SPRED1: variants seen among roughly 807,000 people sequenced by gnomAD.
SPRED1 encodes sprouty-related, EVH1 domain-containing protein 1.
In SPRED1, 18 loss-of-function variants were observed where a neutral mutation model predicts 52.3. The observed-to-expected ratio is 0.34, with a 90% CI of 0.24 to 0.51. SPRED1 has a LOEUF of 0.51. Ranked by LOEUF, SPRED1 falls within the 20% of genes least tolerant of loss-of-function variation. SPRED1 has a pLI of 0.97. For missense variants in SPRED1, 485 were observed against 551.0 expected (o/e 0.88, Z 1.20); for synonymous variants, 155 against 179.7 (o/e 0.86, Z 1.10).
At position 38,352,365 on chromosome 15, in the gene SPRED1, C is replaced by A. The variant is rs917195044; in HGVS notation, c.*701C>A. On this transcript the variant is annotated 3_prime_UTR_variant, in exon 7 of 7. Coordinates refer to ENST00000299084, the MANE Select transcript of SPRED1 (RefSeq NM_152594.3). Reference sequence around the variant, plus strand: ...TTTCATCCTTATTTCTCTTTGGCTACAATTTATATTGAGTTATATCTGTAC... The same window carrying A: ...TTTCATCCTTATTTCTCTTTGGCTAAAATTTATATTGAGTTATATCTGTAC... 6.6e-5 allele frequency: 10 copies of A among 152,160 alleles called. No individual in the cohort carries two copies. Among genetic ancestry groups the A allele is most frequent in the African/African-American group, 2.4e-4 (10 of 41,286 alleles). The allele number at this position is 152,160 out of a possible 1,614,324, so 9.4% of individuals were successfully genotyped here.
At chr15:38,327,810 T>C (rs1895734095) in intron 4 of SPRED1, among the ~76,000 whole-genome samples, 1 of 152,206 alleles carries the variant, frequency 6.6e-6, no homozygotes, top group Non-Finnish European at 1.5e-5. Flanking sequence ...TGTTTGAAGC[T>C]GCTAAGTTTT....
chr15:38,255,064 AT>A (rs1483530631), intron 1 of SPRED1, among the ~76,000 whole-genome samples: 2 of 152,242 alleles, frequency 1.3e-5, no homozygotes. Context: ...AGATGATGGA[AT>A]GTGAATTAAC....
intron 4 of SPRED1, among the ~76,000 whole-genome samples, chr15:38,333,742 A>G (rs1245317805): frequency 6.6e-6 from 1 of 152,126 alleles, no homozygotes; most frequent in Non-Finnish European, 1.5e-5. Context: ...CAGTATTTCT[A>G]TTCTTTGTCT....
rs1420923782 is a variant in SPRED1 at position 38,339,475 on chromosome 15, G to T, written c.424-262G>T. On this transcript the variant is annotated intron_variant, in intron 4 of 6. Coordinates refer to ENST00000299084, the MANE Select transcript of SPRED1 (RefSeq NM_152594.3). ...TATAATTAGCTCTTCTACATGACATGGTTAGCCTTTTAGTTCTTCATGTTA... is the reference window on the plus strand; with the variant it reads ...TATAATTAGCTCTTCTACATGACATTGTTAGCCTTTTAGTTCTTCATGTTA... Among the ~76,000 whole-genome samples the T allele has an allele frequency of 6.6e-6, 1 of 151,972 alleles. No individual in the cohort carries two copies. The highest frequency in any genetic ancestry group is 1.5e-5 in the Non-Finnish European group (1 of 67,980).
chr15:38,325,879 G>C (rs1033854565), intron 4 of SPRED1: 4 of 152,074 alleles, frequency 2.6e-5, no homozygotes, highest in Admixed American at 6.6e-5. Context: ...TGGTCAACAG[G>C]AATTGTGAAA....
Position 38,356,538 on chromosome 15 carries a change from C to G in SPRED1, c.*4874C>G, listed in dbSNP as rs570447852. 1 of 152,110 alleles carries G rather than the reference C, an allele frequency of 6.6e-6. No homozygotes were observed. The highest frequency in any genetic ancestry group is 1.5e-5 in the Non-Finnish European group (1 of 67,938). 9.4% of individuals were successfully genotyped at this position (152,110 alleles called of 1,614,324 possible). On this transcript the variant is annotated 3_prime_UTR_variant, in exon 7 of 7. Transcript: ENST00000299084. ...CTGGAGGAGAAAGTAAAAATGGAAG[C>G]TTTTGATAATTAGCTCTGTTCTTTA...
intron 2 of SPRED1, 39 bp downstream of exon 2, chr15:38,299,586 T>C: frequency 1.3e-6 from 2 of 1,568,634 alleles, no homozygotes; most frequent in Non-Finnish European, 1.7e-6. Flanking sequence ...TTTTAGATAA[T>C]GAATTATCTG....
At chr15:38,274,513 A>G (rs138094837) in intron 1 of SPRED1, among the ~76,000 whole-genome samples, 66 of 152,354 alleles carry the variant, frequency 4.3e-4, no homozygotes, top group African/African-American at 1.3e-3. Flanking sequence ...TACAGGAGTA[A>G]GAAAAAATAT....
chr15:38,291,971 T>C (rs2140972706), intron 1 of SPRED1, among the ~76,000 whole-genome samples: 1 of 152,356 alleles, frequency 6.6e-6, no homozygotes, highest in Non-Finnish European at 1.5e-5. Context: ...GTTTTTCCTT[T>C]TCCACTGCAT....
chr15:38,324,699 G>T (rs1895674664), intron 3 of SPRED1, 64 bp from the exon 4 acceptor site: 1 of 1,223,198 alleles, frequency 8.2e-7, no homozygotes, highest in African/African-American at 1.5e-5. Context: ...TAATCAATTA[G>T]TCATTAATAC....
At chr15:38,302,530 A>G (rs113235906) in intron 2 of SPRED1, among the ~76,000 whole-genome samples, 4 of 152,136 alleles carry the variant, frequency 2.6e-5, no homozygotes, top group South Asian at 2.1e-4. Context: ...CAGTGATCCT[A>G]TGTTGCTTAC....
chr15:38,265,528 T>C (rs904550301), intron 1 of SPRED1, among the ~76,000 whole-genome samples: 4 of 152,134 alleles, frequency 2.6e-5, no homozygotes, highest in Non-Finnish European at 4.4e-5. Flanking sequence ...AAATTTATAT[T>C]GTGAAAATTT....
intron 1 of SPRED1, among the ~76,000 whole-genome samples, chr15:38,258,027 T>C (rs1332942786): frequency 6.6e-6 from 1 of 152,202 alleles, no homozygotes; most frequent in Non-Finnish European, 1.5e-5. Flanking sequence ...ACATTAAAAA[T>C]GCCAATTTAA....
intron 4 of SPRED1, among the ~76,000 whole-genome samples, chr15:38,328,217 T>A (rs1895744053): frequency 6.6e-6 from 1 of 152,214 alleles, no homozygotes; most frequent in Non-Finnish European, 1.5e-5. Flanking sequence ...AAAAGAATAA[T>A]GCATTATCTA....
intron 1 of SPRED1, among the ~76,000 whole-genome samples, chr15:38,282,696 C>T (rs985790452): frequency 1.3e-5 from 2 of 152,084 alleles, no homozygotes; most frequent in African/African-American, 2.4e-5. Context: ...TTCCTAATAG[C>T]GATGGGAAAT....
intron 2 of SPRED1, among the ~76,000 whole-genome samples, chr15:38,319,762 G>A (rs556354207): frequency 6.6e-6 from 1 of 152,134 alleles, no homozygotes; most frequent in African/African-American, 2.4e-5. Context: ...GCCTATAAAC[G>A]GGCAGGACTG....
chr15:38,342,860 T>G (rs1379403192), intron 5 of SPRED1, among the ~76,000 whole-genome samples: 1 of 152,170 alleles, frequency 6.6e-6, no homozygotes, highest in Non-Finnish European at 1.5e-5. Flanking sequence ...AAATATTGTT[T>G]GAAGCTCAGG....
intron 1 of SPRED1, among the ~76,000 whole-genome samples, chr15:38,268,872 T>C (rs1894367077): frequency 6.6e-6 from 1 of 152,112 alleles, no homozygotes; most frequent in Non-Finnish European, 1.5e-5. Context: ...ACATTTTCAG[T>C]CTTTGAAATC....
intron 1 of SPRED1, among the ~76,000 whole-genome samples, chr15:38,280,525 A>G (rs1595722448): frequency 4.3e-5 from 2 of 46,058 alleles, no homozygotes; most frequent in Non-Finnish European, 7.6e-5. Flanking sequence ...TTAAAAATCC[A>G]TTGTTTTTTG....
Sources: allele counts gnomAD v4.1 joint callset (sites outside exome capture counted in the v4.1 genomes callset), GRCh38; gene constraint gnomAD v4.1.1; transcripts MANE v1.5; gene names NCBI Gene and HGNC (gene_info 2026-07-23, HGNC 2026-07-21).